AGBL4: variants seen among roughly 807,000 people sequenced by gnomAD.
AGBL4 encodes the protein cytosolic carboxypeptidase 6.
Under a neutral mutation model 66.4 loss-of-function variants are expected in AGBL4, and 58 were observed. The observed-to-expected ratio is 0.87, with a 90% CI of 0.71 to 1.09. The LOEUF (loss-of-function observed/expected upper bound fraction) is 1.09. Among genes scored for constraint, AGBL4 ranks in the 50% least tolerant of loss-of-function variants. The pLI is 0.00. For synonymous variants in AGBL4, 234 were observed against 222.9 expected (o/e 1.05, Z -0.44); for missense variants, 579 against 631.0 (o/e 0.92, Z 0.88).
chr1:48,798,999 G>A (rs947301540), intron 6 of AGBL4, among the ~76,000 whole-genome samples: 7 of 152,088 alleles, frequency 4.6e-5, no homozygotes, highest in Non-Finnish European at 1.0e-4. Flanking sequence ...GACTACGCAG[G>A]CTCTTTTTTG....
At chr1:48,712,049 T>C (rs1646975765) in intron 6 of AGBL4, among the ~76,000 whole-genome samples, 2 of 152,116 alleles carry the variant, frequency 1.3e-5, no homozygotes, top group African/African-American at 2.4e-5. Context: ...TCTGTGCTAC[T>C]CCCTCCTCTT....
rs757987286 is a variant in AGBL4, at chr1:48,634,441, T to C, written c.951+52A>G. 1.2e-5 allele frequency: 17 copies of C among 1,444,016 alleles called. No individual in the cohort carries two copies. The Middle Eastern group carries it at 7.1e-4, about 60-fold the overall frequency. The allele number at this position is 1,444,016 out of a possible 1,614,324, so 89.5% of individuals were successfully genotyped here. A position where few individuals can be genotyped will look rare whatever the true frequency, so the allele number is the denominator to read the frequency against. On this transcript the variant is annotated intron_variant, in intron 9 of 13. Coordinates refer to ENST00000371839, the MANE Select transcript of AGBL4 (RefSeq NM_032785.4). ...GACTTTCCCAATACAATGCTGCCCT[T>C]TCCCAGATCAAGCCATAGATCAGCA...
At chr1:49,564,371 C>A (rs1319423925) in intron 3 of AGBL4, among the ~76,000 whole-genome samples, 1 of 152,046 alleles carries the variant, frequency 6.6e-6, no homozygotes, top group Non-Finnish European at 1.5e-5. Context: ...TTTGCTATTG[C>A]TTCTCTAGTT....
intron 3 of AGBL4, among the ~76,000 whole-genome samples, chr1:49,294,602 G>C (rs544278260): frequency 1.3e-5 from 2 of 152,272 alleles, no homozygotes; most frequent in African/African-American, 4.8e-5. Context: ...AAATGGTTTT[G>C]AATCCTATGT....
intron 5 of AGBL4, among the ~76,000 whole-genome samples, chr1:48,998,500 G>T (rs1661174888): frequency 6.6e-6 from 1 of 152,128 alleles, no homozygotes; most frequent in Non-Finnish European, 1.5e-5. Flanking sequence ...ATAAATACCA[G>T]GCATGTCACC....
intron 3 of AGBL4, among the ~76,000 whole-genome samples, chr1:49,498,051 T>C (rs1647772919): frequency 6.6e-6 from 1 of 152,006 alleles, no homozygotes; most frequent in African/African-American, 2.4e-5. Context: ...CTTTTGTCAG[T>C]GTTTTGTAAT....
intron 3 of AGBL4, among the ~76,000 whole-genome samples, chr1:49,540,389 T>C (rs1019383686): frequency 3.9e-5 from 6 of 152,216 alleles, no homozygotes; most frequent in Non-Finnish European, 8.8e-5. Context: ...CTCTGTGAGG[T>C]AGCACCCTTG....
At chr1:49,589,741 C>T (rs1432403627) in intron 3 of AGBL4, among the ~76,000 whole-genome samples, 1 of 151,962 alleles carries the variant, frequency 6.6e-6, no homozygotes, top group Non-Finnish European at 1.5e-5. Context: ...CAGTATTAGT[C>T]CCAATTAAGA....
intron 3 of AGBL4, among the ~76,000 whole-genome samples, chr1:49,588,213 C>T (rs11587574): frequency 0.087 from 13,302 of 152,144 alleles, 857 homozygotes; most frequent in East Asian, 0.3. Context: ...TTTCTCATGG[C>T]AATGCTTCCT....
At chr1:49,133,270 G>A (rs958728538) in intron 4 of AGBL4, among the ~76,000 whole-genome samples, 5 of 152,046 alleles carry the variant, frequency 3.3e-5, no homozygotes, top group East Asian at 1.9e-4. Flanking sequence ...GAGAGCATTC[G>A]GACAAATACC....
intron 6 of AGBL4, among the ~76,000 whole-genome samples, chr1:48,849,025 T>C (rs1182190838): frequency 6.6e-6 from 1 of 152,202 alleles, no homozygotes; most frequent in Non-Finnish European, 1.5e-5. Flanking sequence ...AGGCTCCAGG[T>C]GGGCTGGGAG....
chr1:49,078,755 C>G (rs891141482), intron 4 of AGBL4, among the ~76,000 whole-genome samples: 7 of 152,134 alleles, frequency 4.6e-5, no homozygotes, highest in Non-Finnish European at 4.4e-5. Context: ...ACTTCAGCAC[C>G]TCTTTATTGA....
At chr1:49,272,812 T>TAA (rs1431547342) in intron 3 of AGBL4, among the ~76,000 whole-genome samples, 2 of 152,212 alleles carry the variant, frequency 1.3e-5, no homozygotes, top group Non-Finnish European at 2.9e-5. Context: ...GACTTATAAA[T>TAA]AAATACTCAT....
chr1:49,086,321 G>A (rs1341288865), intron 4 of AGBL4, among the ~76,000 whole-genome samples: 1 of 152,000 alleles, frequency 6.6e-6, no homozygotes. Context: ...CCAGTCCAGC[G>A]GTCTTACTTC....
intron 4 of AGBL4, among the ~76,000 whole-genome samples, chr1:49,059,006 A>G (rs745806259): frequency 6.6e-6 from 1 of 152,266 alleles, no homozygotes; most frequent in African/African-American, 2.4e-5. Flanking sequence ...ATGCAATAAA[A>G]AAAGAAAAAC....
At chr1:49,355,476 C>G (rs1204512408) in intron 3 of AGBL4, among the ~76,000 whole-genome samples, 3 of 152,178 alleles carry the variant, frequency 2.0e-5, no homozygotes, top group Non-Finnish European at 4.4e-5. Flanking sequence ...CTCACATGAA[C>G]TATTATACAA....
chr1:49,954,109 G>T (rs1656391593), intron 1 of AGBL4, among the ~76,000 whole-genome samples: 1 of 151,608 alleles, frequency 6.6e-6, no homozygotes, highest in Non-Finnish European at 1.5e-5. Context: ...TACATATATT[G>T]GTCTCAAACT....
intron 6 of AGBL4, among the ~76,000 whole-genome samples, chr1:48,856,499 C>G (rs1479850145): frequency 6.6e-6 from 1 of 152,038 alleles, no homozygotes; most frequent in East Asian, 1.9e-4. Context: ...GGCTGTTAGA[C>G]CACTATACTG....
chr1:49,931,339 G>A (rs1181910830), intron 1 of AGBL4, among the ~76,000 whole-genome samples: 1 of 152,078 alleles, frequency 6.6e-6, no homozygotes, highest in Non-Finnish European at 1.5e-5. Flanking sequence ...GTGCTATAAA[G>A]ATACTACCTG....
Sources: allele counts gnomAD v4.1 joint callset (sites outside exome capture counted in the v4.1 genomes callset), GRCh38; gene constraint gnomAD v4.1.1; transcripts MANE v1.5; gene names NCBI Gene and HGNC (gene_info 2026-07-23, HGNC 2026-07-21).